Variants in FSTL5 observed in about 807,000 individuals in gnomAD.
FSTL5 encodes the protein follistatin-related protein 5.
FSTL5 carries 62 observed loss-of-function variants against 89.1 expected under a neutral mutation model. The ratio of observed to expected loss-of-function variants is 0.70; its 90% CI spans 0.57 to 0.86. FSTL5 has a LOEUF of 0.86. Among genes scored for constraint, FSTL5 ranks in the 40% least tolerant of loss-of-function variants. The probability of loss-of-function intolerance (pLI) is 0.00; values close to 1 mark genes in which losing one functional copy is unlikely to be tolerated. For synonymous variants in FSTL5, 383 were observed against 346.2 expected, an observed-to-expected ratio of 1.11 and a Z score of -1.18; for missense variants, 1,057 against 1,001.6, an observed-to-expected ratio of 1.06 and a Z score of -0.75.
At chr4:161,391,317 A>G (rs1487011546) in intron 15 of FSTL5, among the ~76,000 whole-genome samples, 1 of 152,164 alleles carries the variant, frequency 6.6e-6, no homozygotes, top group Non-Finnish European at 1.5e-5. Context: ...TCATATTATT[A>G]ATATCTAGCT....
At chr4:162,061,448 T>C (rs943873677) in intron 2 of FSTL5, among the ~76,000 whole-genome samples, 8 of 152,072 alleles carry the variant, frequency 5.3e-5, no homozygotes, top group Admixed American at 3.9e-4. Flanking sequence ...GTGTTGGAAA[T>C]GGTATTAGGA....
chr4:161,937,187 A>G (rs1191183298), intron 3 of FSTL5, among the ~76,000 whole-genome samples: 1 of 152,140 alleles, frequency 6.6e-6, no homozygotes, highest in Non-Finnish European at 1.5e-5. Flanking sequence ...TCCTCAGAGA[A>G]ATGAGATAAT....
At chr4:161,397,011 T>C (rs191370813) in intron 15 of FSTL5, among the ~76,000 whole-genome samples, 34 of 152,274 alleles carry the variant, frequency 2.2e-4, no homozygotes, top group African/African-American at 6.5e-4. Flanking sequence ...GTTACTTATC[T>C]TAAGGATGGG....
At chr4:161,918,484 A>G (rs1227354350) in intron 4 of FSTL5, among the ~76,000 whole-genome samples, 1 of 152,164 alleles carries the variant, frequency 6.6e-6, no homozygotes, top group Non-Finnish European at 1.5e-5. Flanking sequence ...TCAAAGAACA[A>G]AAGTTCTTCA....
chr4:161,416,316 C>T (rs562949012), intron 15 of FSTL5, among the ~76,000 whole-genome samples: 3 of 152,230 alleles, frequency 2.0e-5, no homozygotes, highest in South Asian at 2.1e-4. Flanking sequence ...CATTCAACTT[C>T]TTTAATTTAT....
intron 4 of FSTL5, among the ~76,000 whole-genome samples, chr4:161,820,815 A>T (rs1337772787): frequency 6.6e-6 from 1 of 152,118 alleles, no homozygotes; most frequent in Non-Finnish European, 1.5e-5. Context: ...TGGTTTTCAT[A>T]TGAGCATTAA....
At chr4:161,464,247 C>G (rs2126420325) in intron 13 of FSTL5, among the ~76,000 whole-genome samples, 1 of 152,328 alleles carries the variant, frequency 6.6e-6, no homozygotes, top group Non-Finnish European at 1.5e-5. Context: ...CTTGATGTCT[C>G]TGATACAGAA....
intron 2 of FSTL5, among the ~76,000 whole-genome samples, chr4:162,050,525 TTAAA>T (rs1250283014): frequency 6.7e-6 from 1 of 150,064 alleles, no homozygotes; most frequent in African/African-American, 2.4e-5. Flanking sequence ...AATTAATAAA[TTAAA>T]TAACAGTATT....
chr4:162,101,101 T>C (rs1730979677), intron 2 of FSTL5, among the ~76,000 whole-genome samples: 1 of 152,216 alleles, frequency 6.6e-6, no homozygotes, highest in African/African-American at 2.4e-5. Flanking sequence ...AGTCTTAGAC[T>C]AAGCATGCTT....
intron 3 of FSTL5, among the ~76,000 whole-genome samples, chr4:161,981,325 C>T (rs765187807): frequency 3.3e-5 from 5 of 152,006 alleles, no homozygotes; most frequent in Non-Finnish European, 7.4e-5. Flanking sequence ...AAAGAAAATG[C>T]TTTGCTATTA....
chr4:161,493,065 A>G (rs1334561018), intron 12 of FSTL5, among the ~76,000 whole-genome samples: 1 of 151,982 alleles, frequency 6.6e-6, no homozygotes, highest in African/African-American at 2.4e-5. Context: ...AATTGTGAGA[A>G]CTATTGTTGA....
intron 8 of FSTL5, among the ~76,000 whole-genome samples, chr4:161,563,788 T>C (rs188257912): frequency 1.6e-4 from 25 of 152,122 alleles, no homozygotes; most frequent in Admixed American, 4.6e-4. Context: ...TTGGAAAAGT[T>C]ATTGTATAAT....
intron 3 of FSTL5, among the ~76,000 whole-genome samples, chr4:161,935,391 C>A (rs1442254802): frequency 6.6e-6 from 1 of 152,086 alleles, no homozygotes; most frequent in Admixed American, 6.6e-5. Context: ...AGGTCAAACA[C>A]CTGTGATGTC....
At chr4:161,756,560 T>C (rs755573383) in intron 6 of FSTL5, among the ~76,000 whole-genome samples, 19 of 152,242 alleles carry the variant, frequency 1.2e-4, no homozygotes, top group Admixed American at 3.9e-4. Context: ...TTTTATTGAT[T>C]ATTTAGATTT....
chr4:161,416,244 A>T (rs1233793558), intron 15 of FSTL5, among the ~76,000 whole-genome samples: 1 of 152,174 alleles, frequency 6.6e-6, no homozygotes. Flanking sequence ...GTATTGTCAG[A>T]TTGCCATGGC....
At chr4:161,394,794 T>C (rs537195194) in intron 15 of FSTL5, among the ~76,000 whole-genome samples, 227 of 152,312 alleles carry the variant, frequency 1.5e-3, no homozygotes, top group African/African-American at 4.3e-3. Context: ...GTTTATATTT[T>C]GGTTTGCATG....
chr4:161,722,158 A>G (rs1357891480), intron 6 of FSTL5, among the ~76,000 whole-genome samples: 1 of 152,164 alleles, frequency 6.6e-6, no homozygotes, highest in Non-Finnish European at 1.5e-5. Flanking sequence ...GTTCCCAGAA[A>G]TGTTAATATT....
intron 2 of FSTL5, among the ~76,000 whole-genome samples, chr4:162,067,174 G>T (rs1307117870): frequency 1.3e-5 from 2 of 151,972 alleles, no homozygotes; most frequent in Non-Finnish European, 2.9e-5. Flanking sequence ...CACCCAAATA[G>T]CTGGGCCTAC....
At chr4:161,816,884 T>C (rs1180756694) in intron 4 of FSTL5, among the ~76,000 whole-genome samples, 3 of 152,220 alleles carry the variant, frequency 2.0e-5, no homozygotes, top group Non-Finnish European at 4.4e-5. Flanking sequence ...ATGTTATTTG[T>C]GATTTCTTAT....
Sources: gnomAD v4.1 joint callset for allele counts (sites outside exome capture counted in the v4.1 genomes callset) on GRCh38, gnomAD v4.1.1 for gene constraint, MANE v1.5 for transcripts, NCBI Gene and HGNC (gene_info 2026-07-23, HGNC 2026-07-21) for gene names.